Variants in RBFOX3 observed in about 807,000 individuals in gnomAD.
RBFOX3 encodes the protein RNA binding protein fox-1 homolog 3.
A neutral mutation model predicts 48.7 loss-of-function variants in RBFOX3; 17 were observed. The ratio of observed to expected loss-of-function variants is 0.35; its 90% CI spans 0.24 to 0.52. The LOEUF (loss-of-function observed/expected upper bound fraction) is 0.52. Among genes scored for constraint, RBFOX3 ranks in the 20% least tolerant of loss-of-function variants. The pLI is 0.94. For missense variants in RBFOX3, 382 were observed against 497.5 expected (o/e 0.77, Z 2.21); for synonymous variants, 212 against 209.5 (o/e 1.01, Z -0.10).
intron 4 of RBFOX3, among the ~76,000 whole-genome samples, chr17:79,192,691 A>G (rs1020122438): frequency 3.3e-5 from 5 of 152,196 alleles, no homozygotes; most frequent in Non-Finnish European, 7.3e-5. Flanking sequence ...CACCAGGGAC[A>G]GCTCCAGCCA....
At position 79,186,105 on chromosome 17, in the gene RBFOX3, G is replaced by A. The variant is rs546293222; in HGVS notation, c.-34+49661C>T. Among the ~76,000 whole-genome samples the A allele has an allele frequency of 7.2e-5, 11 of 152,298 alleles. No homozygotes were observed. The South Asian group carries it at 2.3e-3, about 32-fold the overall frequency. ...CATCACTTCTGGCAGCCCTGCATCT[G>A]GTCACCTGTGTGCCTCTCTGCCCAG... On this transcript the variant is annotated intron_variant, in intron 4 of 14. Transcript: ENST00000693108.
chr17:79,410,290 C>T (rs1010807126), intron 2 of RBFOX3, among the ~76,000 whole-genome samples: 94 of 152,360 alleles, frequency 6.2e-4, no homozygotes, highest in African/African-American at 2.0e-3. Context: ...CAGTCAGTGG[C>T]ATCTACCCTG....
chr17:79,590,741 G>A (rs2093392394), intron 1 of RBFOX3, among the ~76,000 whole-genome samples: 1 of 152,184 alleles, frequency 6.6e-6, no homozygotes, highest in Non-Finnish European at 1.5e-5. Context: ...GATGCTGCGT[G>A]TCCACCTCCT....
chr17:79,631,499 G>A, the RBFOX3 span, among the ~76,000 whole-genome samples: 2 of 152,164 alleles, frequency 1.3e-5, no homozygotes, highest in Non-Finnish European at 2.9e-5. Flanking sequence ...TCCCAGACCA[G>A]GAAGACATCC....
intron 2 of RBFOX3, among the ~76,000 whole-genome samples, chr17:79,312,713 C>G (rs1342481832): frequency 1.3e-5 from 2 of 152,174 alleles, no homozygotes; most frequent in African/African-American, 4.8e-5. Flanking sequence ...ATAAAAAGAC[C>G]TCAGGGGTCT....
chr17:79,578,764 G>A (rs1367899901), intron 1 of RBFOX3, among the ~76,000 whole-genome samples: 1 of 152,226 alleles, frequency 6.6e-6, no homozygotes, highest in Non-Finnish European at 1.5e-5. Flanking sequence ...CAGAGGTGTG[G>A]GTAGCTGGTG....
At position 79,559,747 on chromosome 17, in the gene RBFOX3, A is replaced by AGATG. The variant is rs1416262001; in HGVS notation, c.-320+51075_-320+51078dup. On this transcript the variant is annotated intron_variant, in intron 1 of 14. Transcript: ENST00000693108. ...TGGATGGATGGGTGAATGAATGGGT[A>AGATG]GATGGATGGATGGGTGGATGGTGAA... Among the ~76,000 whole-genome samples the AGATG allele has an allele frequency of 4.8e-5, 6 of 125,484 alleles. No individual in the cohort carries two copies. In the Admixed American group the frequency reaches 4.8e-4, roughly 10 times the overall value. The allele number at this position is 125,484 out of a possible 152,430, so 82.3% of individuals were successfully genotyped here. A position where few individuals can be genotyped will look rare whatever the true frequency, so the allele number is the denominator to read the frequency against.
At chr17:79,284,832 GC>G (rs1206839414) in intron 3 of RBFOX3, among the ~76,000 whole-genome samples, 1 of 152,134 alleles carries the variant, frequency 6.6e-6, no homozygotes, top group African/African-American at 2.4e-5. Context: ...GAGCCACTGT[GC>G]CCAGCCAGCC....
rs1434995235 is a variant in RBFOX3, at chr17:79,205,912, G to A, written c.-34+29854C>T. Among the ~76,000 whole-genome samples, 2 of 150,382 alleles carry A rather than the reference G, an allele frequency of 1.3e-5. No individual in the cohort carries two copies. Among genetic ancestry groups the A allele is most frequent in the African/African-American group, 4.9e-5 (2 of 40,660 alleles). On this transcript the variant is annotated intron_variant, in intron 4 of 14. Coordinates refer to ENST00000693108, the MANE Select transcript of RBFOX3 (RefSeq NM_001350451.2). This position sits in a 1 kb window ranked among gnomAD's most constrained non-coding sequence, Gnocchi z 4.5. The stretch of plus-strand genomic sequence containing the variant: ...AGCAATACACATTTCCTATCTTGCT[G>A]CAAGGCTGCAATCATTCTCTTGCTC...
At position 79,173,219 on chromosome 17, in the gene RBFOX3, A is replaced by AATACATACATACATACATAC. The variant is rs60584351; in HGVS notation, c.-33-57491_-33-57472dup. Among the ~76,000 whole-genome samples, 8 of 150,708 alleles carry AATACATACATACATACATAC rather than the reference A, an allele frequency of 5.3e-5. No homozygotes were observed. In the South Asian group the frequency reaches 1.1e-3, roughly 20 times the overall value. On this transcript the variant is annotated intron_variant, in intron 4 of 14. Transcript: ENST00000693108. ...AACGAGACTGTCAAATAAATAAATAAATACATACATACATACATACGTACA... is the reference window on the plus strand; with the variant it reads ...AACGAGACTGTCAAATAAATAAATAAATACATACATACATACATACATACATACATACATACATACGTACA...
At chr17:79,478,071 A>C (rs2078207520) in intron 2 of RBFOX3, among the ~76,000 whole-genome samples, 1 of 152,174 alleles carries the variant, frequency 6.6e-6, no homozygotes, top group Admixed American at 6.5e-5. Flanking sequence ...GCTGCCAAGC[A>C]ACGCTCATGT....
At chr17:79,169,600 C>T (rs1187359502) in intron 4 of RBFOX3, among the ~76,000 whole-genome samples, 4 of 152,192 alleles carry the variant, frequency 2.6e-5, no homozygotes, top group South Asian at 2.1e-4. Context: ...AAACAGGAGG[C>T]GGCACCGAGG....
chr17:79,614,079 G>A (rs2093984758), upstream of RBFOX3, among the ~76,000 whole-genome samples: 1 of 152,272 alleles, frequency 6.6e-6, no homozygotes, highest in African/African-American at 2.4e-5. Context: ...CACAGGAGAA[G>A]TGGCGGCCCG....
intron 2 of RBFOX3, among the ~76,000 whole-genome samples, chr17:79,453,497 A>G (rs2073933841): frequency 1.3e-5 from 2 of 152,154 alleles, no homozygotes; most frequent in African/African-American, 4.8e-5. Flanking sequence ...AGCTGGTGGG[A>G]GGCAGGGATG....
chr17:79,523,866 C>T (rs1318462586), intron 1 of RBFOX3, among the ~76,000 whole-genome samples: 1 of 152,158 alleles, frequency 6.6e-6, no homozygotes, highest in Non-Finnish European at 1.5e-5. Context: ...GTTCGGTGTC[C>T]TAATACCTTA....
chr17:79,612,530 T>C (rs956624650), upstream of RBFOX3, among the ~76,000 whole-genome samples: 3 of 152,204 alleles, frequency 2.0e-5, no homozygotes, highest in African/African-American at 7.2e-5. Context: ...TGCCCACTTA[T>C]GAGCGTCATG....
the RBFOX3 span, among the ~76,000 whole-genome samples, chr17:79,621,878 A>C: frequency 1.3e-5 from 2 of 150,770 alleles, no homozygotes; most frequent in African/African-American, 4.9e-5. Context: ...CACATCATAC[A>C]AGATCGAGCG....
chr17:79,108,928 C>T (rs2005107), intron 5 of RBFOX3, among the ~76,000 whole-genome samples: 5 of 152,242 alleles, frequency 3.3e-5, no homozygotes, highest in Admixed American at 3.3e-4. Flanking sequence ...CACGTGTCCA[C>T]GTTCCTGATG....
At chr17:79,275,123 C>CCTCTCTCTCTTTCT (rs1191964660) in intron 3 of RBFOX3, among the ~76,000 whole-genome samples, 314 of 130,658 alleles carry the variant, frequency 2.4e-3, no homozygotes, top group Non-Finnish European at 4.1e-3. Context: ...TCCATGTCTC[C>CCTCTCTCTCTTTCT]CTCTCTCTCT....
Sources: allele counts gnomAD v4.1 joint callset (sites outside exome capture counted in the v4.1 genomes callset), GRCh38; gene constraint gnomAD v4.1.1; non-coding constraint Gnocchi (gnomAD v3.1); transcripts MANE v1.5; gene names NCBI Gene and HGNC (gene_info 2026-07-23, HGNC 2026-07-21).